The following MTPAP variants were observed in gnomAD, a reference collection of about 807,000 sequenced individuals.
MTPAP encodes mitochondrial poly(A) polymerase.
A neutral mutation model predicts 48.7 loss-of-function variants in MTPAP; 23 were observed. The observed-to-expected ratio is 0.47, with a 90% CI of 0.34 to 0.67. MTPAP has a LOEUF of 0.67. Among genes scored for constraint, MTPAP ranks in the 30% least tolerant of loss-of-function variants. MTPAP has a pLI of 0.01. For missense variants in MTPAP, 614 were observed against 694.3 expected, an observed-to-expected ratio of 0.88 and a Z score of 1.30; for synonymous variants, 257 against 254.1, an observed-to-expected ratio of 1.01 and a Z score of -0.11.
chr10:30,341,677 A>G (rs1834809131), intron 1 of MTPAP, 37 bp from the exon 2 acceptor site: 5 of 1,610,582 alleles, frequency 3.1e-6, no homozygotes, highest in Non-Finnish European at 4.2e-6. Context: ...CCACACGCAC[A>G]CACACAAAAT....
chr10:30,339,919 C>T (rs1834778414), intron 3 of MTPAP: 10 of 386,632 alleles, frequency 2.6e-5, no homozygotes, highest in South Asian at 2.6e-4. Flanking sequence ...AAGAAAAAGA[C>T]ATTAGGAACC....
At chr10:30,341,919 A>G (rs1216267341) in intron 1 of MTPAP, among the ~76,000 whole-genome samples, 1 of 152,158 alleles carries the variant, frequency 6.6e-6, no homozygotes, top group Non-Finnish European at 1.5e-5. Context: ...ATAAGGCTTA[A>G]TTTATAAATT....
At chr10:30,343,102 A>G (rs1834830162) in intron 1 of MTPAP, among the ~76,000 whole-genome samples, 1 of 152,186 alleles carries the variant, frequency 6.6e-6, no homozygotes, top group Admixed American at 6.6e-5. Context: ...GTTTCTTTAA[A>G]AAGTCTGGAA....
At chr10:30,325,047 TTAAG>T (rs1314486761) in intron 5 of MTPAP, among the ~76,000 whole-genome samples, 6 of 150,884 alleles carry the variant, frequency 4.0e-5, no homozygotes, top group Non-Finnish European at 8.9e-5. Context: ...TTCATTGTGA[TTAAG>T]TGTTTTATGT....
At chr10:30,319,087 G>A (rs907358210) in intron 6 of MTPAP, among the ~76,000 whole-genome samples, 111 of 152,014 alleles carry the variant, frequency 7.3e-4, no homozygotes, top group African/African-American at 2.2e-3. Flanking sequence ...GCTGGGAGAA[G>A]GCCATTTCAG....
chr10:30,338,285 A>G (rs1471507242), intron 3 of MTPAP, among the ~76,000 whole-genome samples: 1 of 59,876 alleles, frequency 1.7e-5, no homozygotes, highest in Non-Finnish European at 7.3e-5. Flanking sequence ...ATAACATAAC[A>G]TAACAACATA....
Position 30,349,152 on chromosome 10 carries a change from T to G in MTPAP, c.124A>C (p.Arg42=). The G allele has an allele frequency of 6.2e-7, 1 of 1,613,624 alleles. No homozygotes were observed. Among genetic ancestry groups the G allele is most frequent in the East Asian group, 2.2e-5 (1 of 44,862 alleles). Residue 42 remains arginine, a synonymous_variant, in exon 1 of 9, where the codon AGA becomes CGA. Transcript: ENST00000263063. The part of the protein sequence containing the change: ...CPGTVAKDLR[R]DEQPSGSVET... ...ACGCTCCCTGAAGGCTGCTCGTCTCTCCTAAGGTCTTTGGCCACAGTTCCT... is the reference window on the plus strand; with the variant it reads ...ACGCTCCCTGAAGGCTGCTCGTCTCGCCTAAGGTCTTTGGCCACAGTTCCT...
intron 1 of MTPAP, among the ~76,000 whole-genome samples, chr10:30,343,502 T>G (rs544651556): frequency 2.0e-5 from 3 of 152,230 alleles, no homozygotes; most frequent in Non-Finnish European, 4.4e-5. Flanking sequence ...AGCCTCATTT[T>G]CTTCCAAAAG....
At position 30,316,031 on chromosome 10, in the gene MTPAP, G is replaced by A. The variant is rs763705440; in HGVS notation, c.1318C>T (p.Leu440=). 1.9e-6 allele frequency: 3 copies of A among 1,611,520 alleles called. No homozygotes were observed. The highest frequency in any genetic ancestry group is 2.5e-6 in the Non-Finnish European group (3 of 1,178,158). The part of the protein sequence containing the change: ...PSQNTETLEL[L]LKEFFEYFGN... ...AAATACTCAAAAAATTCCTTCAGTA[G>A]TAATTCTGTAAGAAAATAAAACAAG... The change falls in exon 8 of 9, where the codon CTA becomes TTA. Residue 440 remains leucine (L), a synonymous_variant. Coordinates refer to ENST00000263063, the MANE Select transcript of MTPAP (RefSeq NM_018109.4).
At chr10:30,336,198 A>C (rs558809128) in intron 4 of MTPAP, among the ~76,000 whole-genome samples, 11 of 152,286 alleles carry the variant, frequency 7.2e-5, no homozygotes, top group African/African-American at 2.2e-4. Context: ...AAAATAACAT[A>C]TATAAAGGCT....
At chr10:30,326,335 G>A in intron 5 of MTPAP, 89 bp downstream of exon 5, 2 of 1,215,766 alleles carry the variant, frequency 1.6e-6, no homozygotes, top group East Asian at 2.5e-5. Context: ...GCATGTTTAA[G>A]ATTACAAAGC....
intron 1 of MTPAP, among the ~76,000 whole-genome samples, chr10:30,343,223 CGGATCACCTGAGGCCA>C (rs1834831336): frequency 4.6e-5 from 7 of 151,792 alleles, no homozygotes; most frequent in Admixed American, 4.6e-4. Context: ...CGGAGGTGGG[CGGATCACCTGAGGCCA>C]GGAGTTTGAG....
In MTPAP at chr10:30,316,015, A is replaced by T. The variant is rs761915706; in HGVS notation, c.1334T>A (p.Phe445Tyr). ...GAAAGCAAAATTGCCAAAATACTCA[A>T]AAAATTCCTTCAGTAGTAATTCTGT... ...ETLELLLKEF[F>Y]EYFGNFAFDK... The change falls in exon 8 of 9, where the codon TTT (phenylalanine) becomes TAT (tyrosine). Residue 445 changes from phenylalanine to tyrosine, a missense_variant. Coordinates refer to ENST00000263063, the MANE Select transcript of MTPAP (RefSeq NM_018109.4). 6.2e-7 allele frequency: 1 copy of T among 1,611,022 alleles called. No individual in the cohort carries two copies. Among genetic ancestry groups the T allele is most frequent in the Non-Finnish European group, 8.5e-7 (1 of 1,177,908 alleles).
At position 30,349,134 on chromosome 10, in the gene MTPAP, C is replaced by G. The variant is rs1444935520; in HGVS notation, c.142G>C (p.Gly48Arg). Residue 48 changes from glycine (G) to arginine (R), a missense_variant, in exon 1 of 9, where the codon GGG (glycine) becomes CGG (arginine). Coordinates refer to ENST00000263063, the MANE Select transcript of MTPAP (RefSeq NM_018109.4). ...KDLRRDEQPSGSVETGFEDKI... is the reference protein window; with the variant it reads ...KDLRRDEQPSRSVETGFEDKI... ...GCGCCATCACCTGTCTCCACGCTCC[C>G]TGAAGGCTGCTCGTCTCTCCTAAGG... 1.9e-6 allele frequency: 3 copies of G among 1,613,876 alleles called. No individual in the cohort carries two copies. Among genetic ancestry groups the G allele is most frequent in the African/African-American group, 2.7e-5 (2 of 74,996 alleles).
rs377058770 is a variant in MTPAP, at chr10:30,310,064, C to T, written c.*3545G>A. 1 of 152,030 alleles carries T rather than the reference C, an allele frequency of 6.6e-6. No individual in the cohort carries two copies. Among genetic ancestry groups the T allele is most frequent in the Non-Finnish European group, 1.5e-5 (1 of 68,006 alleles). 9.4% of individuals were successfully genotyped at this position (152,030 alleles called of 1,614,324 possible). On this transcript the variant is annotated 3_prime_UTR_variant, in exon 9 of 9. Transcript: ENST00000263063. ...TAAAACTCATTACAGGTGAAAGCTA[C>T]TGAATGAAAGCCTAGTAATAGTTAT...
rs901381503 is a variant in MTPAP, at chr10:30,310,517, T to C, written c.*3092A>G. Reference sequence around the variant, plus strand: ...AGAAGAATCACCTGAACCCGGGAAGTGGAGGTTTCAGTGAGCCAAGATCAC... The same window carrying C: ...AGAAGAATCACCTGAACCCGGGAAGCGGAGGTTTCAGTGAGCCAAGATCAC... On this transcript the variant is annotated 3_prime_UTR_variant, in exon 9 of 9. Coordinates refer to ENST00000263063, the MANE Select transcript of MTPAP (RefSeq NM_018109.4). The C allele has an allele frequency of 2.9e-5, 4 of 138,134 alleles. No individual in the cohort carries two copies. Among genetic ancestry groups the C allele is most frequent in the Non-Finnish European group, 6.1e-5 (4 of 65,410 alleles). 8.6% of individuals were successfully genotyped at this position (138,134 alleles called of 1,614,324 possible). A position where few individuals can be genotyped will look rare whatever the true frequency, so the allele number is the denominator to read the frequency against.
intron 5 of MTPAP, among the ~76,000 whole-genome samples, chr10:30,326,155 C>T (rs1221969864): frequency 2.0e-5 from 3 of 152,058 alleles, no homozygotes; most frequent in Non-Finnish European, 4.4e-5. Flanking sequence ...CCAGGCTGCA[C>T]AAGTAAGAAT....
intron 2 of MTPAP, 149 bp from the exon 3 acceptor site, chr10:30,340,599 T>C: frequency 1.4e-6 from 1 of 735,108 alleles, no homozygotes; most frequent in Non-Finnish European, 2.3e-6. Flanking sequence ...ATAGCATTAA[T>C]TTTATTCAAT....
chr10:30,324,131 A>C (rs943857580), intron 5 of MTPAP, among the ~76,000 whole-genome samples: 1 of 152,046 alleles, frequency 6.6e-6, no homozygotes, highest in African/African-American at 2.4e-5. Flanking sequence ...GCAGTGTGCC[A>C]AAATTAAGCC....
Sources: gnomAD v4.1 joint callset for allele counts (sites outside exome capture counted in the v4.1 genomes callset) on GRCh38, gnomAD v4.1.1 for gene constraint, MANE v1.5 for transcripts, NCBI Gene and HGNC (gene_info 2026-07-23, HGNC 2026-07-21) for gene names.